RRBP1: variants seen among roughly 807,000 people sequenced by gnomAD.
RRBP1 encodes the protein ribosome-binding protein 1.
RRBP1 carries 94 observed loss-of-function variants against 165.2 expected under a neutral mutation model. That is an observed-to-expected ratio of 0.57 (90% CI 0.48 to 0.68). The LOEUF (loss-of-function observed/expected upper bound fraction) is 0.68. Ranked by LOEUF, RRBP1 falls within the 30% of genes least tolerant of loss-of-function variation. The pLI is 0.00. For synonymous variants in RRBP1, 680 were observed against 714.5 expected (o/e 0.95, Z 0.77); for missense variants, 1,676 against 1,763.0 (o/e 0.95, Z 0.88).
intron 5 of RRBP1, among the ~76,000 whole-genome samples, chr20:17,639,894 CA>C (rs11476981): frequency 0.51 from 50,261 of 98,796 alleles, 9,904 homozygotes; most frequent in East Asian, 0.74. Context: ...ACTCCAGTCT[CA>C]AAAAAAAAAA....
chr20:17,676,386 C>T (rs1182332454), intron 2 of RRBP1, among the ~76,000 whole-genome samples: 1 of 152,018 alleles, frequency 6.6e-6, no homozygotes, highest in Non-Finnish European at 1.5e-5. Flanking sequence ...AAAGGTGGAG[C>T]TAGCTGGCCT....
At chr20:17,631,809 C>T (rs1295692587) in intron 8 of RRBP1, among the ~76,000 whole-genome samples, 2 of 152,260 alleles carry the variant, frequency 1.3e-5, no homozygotes, top group African/African-American at 2.4e-5. Flanking sequence ...TCCTGCAGAG[C>T]TGGCTGGCAG....
At chr20:17,680,874 C>T (rs770745489) in intron 1 of RRBP1, among the ~76,000 whole-genome samples, 1 of 152,116 alleles carries the variant, frequency 6.6e-6, no homozygotes, top group African/African-American at 2.4e-5. Context: ...CCACAGCTTT[C>T]CTCGCAAATC....
intron 2 of RRBP1, among the ~76,000 whole-genome samples, chr20:17,676,266 G>A (rs549987521): frequency 3.9e-5 from 6 of 152,312 alleles, no homozygotes; most frequent in Non-Finnish European, 8.8e-5. Flanking sequence ...GAAGTGGTGA[G>A]AATGGTCACA....
intron 9 of RRBP1, 91 bp from the exon 10 acceptor site, chr20:17,627,773 T>TG: frequency 7.6e-7 from 1 of 1,308,334 alleles, no homozygotes. Flanking sequence ...TTAGCACATG[T>TG]GGGGCACCGA....
intron 5 of RRBP1, chr20:17,641,583 C>T: frequency 3.3e-6 from 2 of 605,688 alleles, no homozygotes; most frequent in Non-Finnish European, 5.9e-6. Flanking sequence ...AGGAAGCCAC[C>T]ACGCCGTAGA....
Position 17,642,959 on chromosome 20 carries a change from C to T in RRBP1, c.2061+20G>A. On this transcript the variant is annotated intron_variant, in intron 4 of 24. Transcript: ENST00000377813. ...AGCTGCAGTGGCCTCTGAGCATGGCCAGCAGGAGGGTGGGCCCACCTTGTG... is the reference window on the plus strand; with the variant it reads ...AGCTGCAGTGGCCTCTGAGCATGGCTAGCAGGAGGGTGGGCCCACCTTGTG... The T allele has an allele frequency of 6.2e-7, 1 of 1,611,176 alleles. No individual in the cohort carries two copies. The highest frequency in any genetic ancestry group is 8.5e-7 in the Non-Finnish European group (1 of 1,178,014).
intron 2 of RRBP1, among the ~76,000 whole-genome samples, chr20:17,671,328 T>A (rs1221602586): frequency 2.0e-5 from 3 of 152,214 alleles, no homozygotes; most frequent in Non-Finnish European, 2.9e-5. Flanking sequence ...TTGCATTTAG[T>A]TGTTCCTAAC....
At chr20:17,641,043 A>G (rs1404951225) in intron 5 of RRBP1, among the ~76,000 whole-genome samples, 5 of 152,136 alleles carry the variant, frequency 3.3e-5, no homozygotes, top group Admixed American at 3.3e-4. Flanking sequence ...ACAGGGCCTG[A>G]CCAGTCCCAG....
intron 3 of RRBP1, among the ~76,000 whole-genome samples, chr20:17,645,561 G>A (rs965298600): frequency 1.1e-4 from 17 of 152,136 alleles, no homozygotes; most frequent in African/African-American, 3.6e-4. Context: ...AAATCTTTTA[G>A]GTAAAAACTC....
At chr20:17,628,944 T>C (rs2036089677) in intron 9 of RRBP1, among the ~76,000 whole-genome samples, 1 of 152,162 alleles carries the variant, frequency 6.6e-6, no homozygotes, top group African/African-American at 2.4e-5. Context: ...TGAACAGTTG[T>C]GACAGAGACT....
intron 2 of RRBP1, among the ~76,000 whole-genome samples, chr20:17,662,956 G>A (rs1301742147): frequency 8.5e-5 from 13 of 152,074 alleles, no homozygotes; most frequent in Non-Finnish European, 1.0e-4. Context: ...AGGGAGGATC[G>A]CTTGAGCTCT....
At chr20:17,620,421 C>A (rs1337309476) in intron 17 of RRBP1, 51 bp from the exon 18 acceptor site, 1 of 1,495,330 alleles carries the variant, frequency 6.7e-7, no homozygotes, top group African/African-American at 1.4e-5. Flanking sequence ...GGGGGTGTCT[C>A]CTTCCGAGGC....
intron 11 of RRBP1, among the ~76,000 whole-genome samples, chr20:17,626,796 G>A (rs749541170): frequency 5.3e-5 from 8 of 152,218 alleles, no homozygotes; most frequent in South Asian, 2.1e-4. Context: ...AACACTCCCC[G>A]AACATGGCCT....
intron 1 of RRBP1, among the ~76,000 whole-genome samples, chr20:17,681,547 C>A (rs2037187961): frequency 0.013 from 1 of 78 alleles, no homozygotes; most frequent in Non-Finnish European, 0.036. Context: ...GCCTTCCGCC[C>A]GCACCCCACC....
chr20:17,639,270 T>A (rs1272322368), intron 5 of RRBP1, among the ~76,000 whole-genome samples: 2 of 152,206 alleles, frequency 1.3e-5, no homozygotes, highest in Non-Finnish European at 1.5e-5. Flanking sequence ...TGTGGACTGG[T>A]CCTTGAACCC....
intron 5 of RRBP1, among the ~76,000 whole-genome samples, chr20:17,637,345 T>C (rs377612611): frequency 1.1e-4 from 17 of 151,894 alleles, no homozygotes; most frequent in East Asian, 3.9e-4. Context: ...CAGAGCAGGA[T>C]GGGAAGGCTG....
intron 2 of RRBP1, among the ~76,000 whole-genome samples, chr20:17,667,924 C>T (rs547373034): frequency 6.6e-6 from 1 of 152,320 alleles, no homozygotes; most frequent in African/African-American, 2.4e-5. Context: ...TGACAGTTTT[C>T]TCTCACCATG....
At chr20:17,628,377 G>A (rs867936049) in intron 9 of RRBP1, among the ~76,000 whole-genome samples, 6 of 152,080 alleles carry the variant, frequency 3.9e-5, no homozygotes, top group African/African-American at 4.8e-5. Context: ...GCCCACACCC[G>A]CCATCTGTCA....
Sources: allele counts gnomAD v4.1 joint callset (sites outside exome capture counted in the v4.1 genomes callset), GRCh38; gene constraint gnomAD v4.1.1; transcripts MANE v1.5; gene names NCBI Gene and HGNC (gene_info 2026-07-23, HGNC 2026-07-21).